Variants in FMR1 observed in about 807,000 individuals in gnomAD.
The protein encoded by FMR1 is fragile X messenger ribonucleoprotein 1.
Under a neutral mutation model 50.6 loss-of-function variants are expected in FMR1, and 13 were observed. That is an observed-to-expected ratio of 0.26 (90% CI 0.17 to 0.41). FMR1 has a LOEUF of 0.41. Ranked by LOEUF, FMR1 falls within the 10% of genes least tolerant of loss-of-function variation. FMR1 has a pLI of 1.00. For synonymous variants in FMR1, 138 were observed against 164.1 expected (o/e 0.84, Z 1.22); for missense variants, 316 against 491.3 (o/e 0.64, Z 3.37).
intron 1 of FMR1, chrX:147,913,075 C>T (rs1045093583): frequency 5.7e-6 from 1 of 176,819 alleles, no homozygotes; most frequent in Non-Finnish European, 1.0e-5. Flanking sequence ...CATGAAACTT[C>T]AGGTAATTAA....
At chrX:147,925,458 C>A in intron 2 of FMR1, 82 bp from the exon 3 acceptor site, 1 of 770,275 alleles carries the variant, frequency 1.3e-6, no homozygotes. Context: ...TCAGCCTTAA[C>A]CAAAAGTTGA....
At chrX:147,929,167 TTC>T (rs1282274534) in intron 5 of FMR1, among the ~76,000 whole-genome samples, 2 of 112,271 alleles carry the variant, frequency 1.8e-5, no homozygotes, top group African/African-American at 3.2e-5. Flanking sequence ...CTCCGTTTTT[TTC>T]TCTTTTACCT....
chrX:147,938,915 TC>T (rs782022387), intron 12 of FMR1, among the ~76,000 whole-genome samples: 1 of 111,816 alleles, frequency 8.9e-6, no homozygotes, highest in African/African-American at 3.3e-5. Context: ...AATTTACTAT[TC>T]AGGTCTACTC....
At position 147,925,610 on chromosome X, in the gene FMR1, A is replaced by T; in HGVS notation, c.175A>T (p.Ile59Leu). 8.4e-7 allele frequency: 1 copy of T among 1,196,102 alleles called. No individual in the cohort carries two copies. Among genetic ancestry groups the T allele is most frequent in the Non-Finnish European group, 1.1e-6 (1 of 881,198 alleles). The change falls in exon 3 of 17, where the codon ATA (isoleucine) becomes TTA (leucine). Residue 59 changes from isoleucine to leucine, a missense_variant. Ile to Leu is a conservative substitution (Grantham distance 5). Coordinates refer to ENST00000370475, the MANE Select transcript of FMR1 (RefSeq NM_002024.6). ...ACCTCCTGTAGGTTATAATAAAGAT[A>T]TAAATGAAAGTGATGAAGTTGAGGT... is the stretch of plus-strand genomic sequence containing the variant. ...FPPPVGYNKD[I>L]NESDEVEVYS...
intron 9 of FMR1, chrX:147,933,348 T>A: frequency 1.7e-6 from 1 of 575,362 alleles, no homozygotes; most frequent in Non-Finnish European, 2.5e-6. Context: ...AGATTTGTAT[T>A]TGATCTTTCT....
At chrX:147,946,884 C>T (rs1446471607) in intron 16 of FMR1, 1 of 111,927 alleles carries the variant, frequency 8.9e-6, no homozygotes, top group Non-Finnish European at 1.9e-5. Context: ...TTGGTGGGTT[C>T]TTAAGGACCA....
intron 3 of FMR1, among the ~76,000 whole-genome samples, chrX:147,926,716 G>A (rs2043402580): frequency 9.0e-6 from 1 of 110,938 alleles, no homozygotes; most frequent in African/African-American, 3.3e-5. Flanking sequence ...TCGAACTCCT[G>A]ACCTCAGGTG....
At chrX:147,924,541 T>C (rs1557177182) in intron 2 of FMR1, among the ~76,000 whole-genome samples, 1 of 101,945 alleles carries the variant, frequency 9.8e-6, no homozygotes, top group Non-Finnish European at 2.0e-5. Flanking sequence ...AGACAGGATC[T>C]CACTCTGTCA....
intron 16 of FMR1, 39 bp from the exon 17 acceptor site, chrX:147,948,644 G>C: frequency 8.3e-7 from 1 of 1,211,005 alleles, no homozygotes; most frequent in Non-Finnish European, 1.1e-6. Context: ...ATTACAGTAG[G>C]ATATGGTCTG....
intron 14 of FMR1, chrX:147,944,659 A>G: frequency 9.5e-7 from 1 of 1,050,691 alleles, no homozygotes; most frequent in South Asian, 2.8e-5. Flanking sequence ...AAACATGTTT[A>G]TAACCAAAAT....
At chrX:147,913,782 A>G (rs1268802380) in intron 1 of FMR1, 3 of 112,181 alleles carry the variant, frequency 2.7e-5, no homozygotes. Context: ...CATTGATTTT[A>G]TTGATCCATA....
rs1557178395 is a variant in FMR1 at position 147,930,036 on chromosome X, A to C, written c.508A>C (p.Ile170Leu). ...TGATCCAGAAAATTATCAGCTTGTC[A>C]TTTTGGTGAGCATTTTTGAGTTGTT... ...TYDPENYQLV[I>L]LSINEVTSKR... is the part of the protein sequence containing the mutation. Residue 170 changes from isoleucine to leucine, a missense_variant, in exon 6 of 17, where the codon ATT becomes CTT. Physicochemically the swap from Ile to Leu is conservative, Grantham distance 5. Coordinates refer to ENST00000370475, the MANE Select transcript of FMR1 (RefSeq NM_002024.6). 3 of 1,194,671 alleles carry C rather than the reference A, an allele frequency of 2.5e-6. No individual in the cohort carries two copies. The highest frequency in any genetic ancestry group is 5.9e-5 in the East Asian group (2 of 33,772).
At chrX:147,947,348 G>A (rs1329504375) in intron 16 of FMR1, 1 of 100,900 alleles carries the variant, frequency 9.9e-6, no homozygotes, top group African/African-American at 3.7e-5. Flanking sequence ...GGTGGCAGAG[G>A]TTGCAGTGAG....
chrX:147,932,691 G>C lies in FMR1; in HGVS notation c.808G>C (p.Asp270His). The C allele has an allele frequency of 8.3e-7, 1 of 1,207,640 alleles. No individual in the cohort carries two copies. Among genetic ancestry groups the C allele is most frequent in the African/African-American group, 1.7e-5 (1 of 57,622 alleles). Residue 270 changes from aspartate to histidine, a missense_variant, in exon 9 of 17, where the codon GAT (aspartate) becomes CAT (histidine). Asp to His is a moderately conservative substitution (Grantham distance 81, BLOSUM62 -1). This residue lies in a region of FMR1 where 124 missense variants were observed against 238.1 expected (regional missense o/e 0.52). Coordinates refer to ENST00000370475, the MANE Select transcript of FMR1 (RefSeq NM_002024.6). ...ATGTTTCCCCTTTTATTAGGATCAG[G>C]ATGCAGTGAAAAAAGCTAGAAGCTT... is the stretch of plus-strand genomic sequence containing the variant. ...CTFHIYGEDQ[D>H]AVKKARSFLE...
At position 147,930,898 on chromosome X, in the gene FMR1, G is replaced by A. The variant is rs887842556; in HGVS notation, c.630+654G>A. On this transcript the variant is annotated intron_variant, in intron 7 of 16. Transcript: ENST00000370475. ...AGTTCGTCATCATTATTCATTAGAA[G>A]GAAAACACCACACATTTGAAATAGT... The A allele has an allele frequency of 3.6e-5, 4 of 111,597 alleles. No individual in the cohort carries two copies. The Admixed American group carries it at 3.8e-4, about 11-fold the overall frequency. The allele number at this position is 111,597 out of a possible 1,213,427, so 9.2% of individuals were successfully genotyped here.
rs782426996 is a variant in FMR1 at position 147,948,790 on chromosome X, A to G, written c.1845A>G (p.Lys615=). The G allele has an allele frequency of 8.3e-7, 1 of 1,211,671 alleles. No homozygotes were observed. Among genetic ancestry groups the G allele is most frequent in the Non-Finnish European group, 1.1e-6 (1 of 895,335 alleles). ...LRTGKDRNQK[K]EKPDSVDGQQ... is the part of the protein sequence containing the mutation. ...CGGGTAAAGATCGTAACCAGAAGAA[A>G]GAGAAGCCAGACAGCGTGGATGGTC... The change falls in exon 17 of 17, where the codon AAA becomes AAG. Residue 615 remains lysine, a synonymous_variant. Coordinates refer to ENST00000370475, the MANE Select transcript of FMR1 (RefSeq NM_002024.6).
chrX:147,939,436 AACTT>A (rs1456394843), intron 12 of FMR1, among the ~76,000 whole-genome samples: 4 of 111,687 alleles, frequency 3.6e-5, no homozygotes, highest in Non-Finnish European at 7.5e-5. Flanking sequence ...GGCTTGATAA[AACTT>A]AATGCTTGTC....
At chrX:147,944,802 T>C in intron 14 of FMR1, 67 bp from the exon 15 acceptor site, 1 of 1,097,550 alleles carries the variant, frequency 9.1e-7, no homozygotes, top group African/African-American at 3.1e-5. Context: ...CTCTGGAAGC[T>C]TCTGTTAACC....
chrX:147,913,484 A>G (rs1283622267), intron 1 of FMR1: 1 of 112,330 alleles, frequency 8.9e-6, no homozygotes, highest in Non-Finnish European at 1.9e-5. Context: ...AGTGTCCAAC[A>G]CAATTCTTAA....
Sources: allele counts gnomAD v4.1 joint callset (sites outside exome capture counted in the v4.1 genomes callset), GRCh38; gene constraint gnomAD v4.1.1; regional missense constraint gnomAD v4.1.1; transcripts MANE v1.5; gene names NCBI Gene and HGNC (gene_info 2026-07-23, HGNC 2026-07-21).